CSMD1: variants seen among roughly 807,000 people sequenced by gnomAD.
The protein encoded by CSMD1 is CUB and sushi domain-containing protein 1.
In CSMD1, 213 loss-of-function variants were observed where a neutral mutation model predicts 417.5. That is an observed-to-expected ratio of 0.51 (90% CI 0.46 to 0.57). The LOEUF (loss-of-function observed/expected upper bound fraction) is 0.57. Among genes scored for constraint, CSMD1 ranks in the 20% least tolerant of loss-of-function variants. The probability of loss-of-function intolerance (pLI) is 0.00; values close to 1 mark genes in which losing one functional copy is unlikely to be tolerated. For missense variants in CSMD1, 6,923 were observed against 4,529.7 expected (o/e 1.53, Z -15.17); for synonymous variants, 2,862 against 1,736.8 (o/e 1.65, Z -16.11).
At chr8:3,950,383 T>C (rs1811523417) in intron 5 of CSMD1, among the ~76,000 whole-genome samples, 1 of 152,206 alleles carries the variant, frequency 6.6e-6, no homozygotes, top group Non-Finnish European at 1.5e-5. Flanking sequence ...AACTCTCCGG[T>C]ACAGTTCCAA....
intron 1 of CSMD1, among the ~76,000 whole-genome samples, chr8:4,703,970 G>A (rs1010788962): frequency 7.9e-5 from 12 of 152,178 alleles, no homozygotes; most frequent in Admixed American, 2.6e-4. Flanking sequence ...CACACATGCA[G>A]TTCACAGTAG....
At chr8:4,596,878 C>T (rs1273789798) in intron 2 of CSMD1, among the ~76,000 whole-genome samples, 1 of 152,148 alleles carries the variant, frequency 6.6e-6, no homozygotes. Flanking sequence ...CCATGCTATT[C>T]TTCTGATAGC....
intron 47 of CSMD1, among the ~76,000 whole-genome samples, chr8:3,094,249 G>T (rs1434229568): frequency 1.3e-5 from 2 of 152,078 alleles, no homozygotes; most frequent in African/African-American, 4.8e-5. Flanking sequence ...GGGATTACAG[G>T]CGCCTGCCAC....
Position 4,161,337 on chromosome 8 carries a change from T to C in CSMD1, c.416-129238A>G, listed in dbSNP as rs563004920. On this transcript the variant is annotated intron_variant, in intron 3 of 69. Coordinates refer to ENST00000635120, the MANE Select transcript of CSMD1 (RefSeq NM_033225.6). ...GTAAGTGACAGAATTAGGGCTAAAA[T>C]CCCGGTCTCTTTGACTGTAAAAATG... Among the ~76,000 whole-genome samples, 37 of 152,306 alleles carry C rather than the reference T, an allele frequency of 2.4e-4. No homozygotes were observed. In the South Asian group the frequency reaches 7.7e-3, roughly 32 times the overall value.
intron 7 of CSMD1, among the ~76,000 whole-genome samples, chr8:3,640,279 G>T (rs1361863282): frequency 6.6e-6 from 1 of 152,138 alleles, no homozygotes; most frequent in Non-Finnish European, 1.5e-5. Context: ...TAATGAGCCT[G>T]TTTTGGAACA....
intron 6 of CSMD1, among the ~76,000 whole-genome samples, chr8:3,717,255 T>C (rs1428306648): frequency 6.6e-6 from 1 of 152,230 alleles, no homozygotes; most frequent in Non-Finnish European, 1.5e-5. Flanking sequence ...ATTTTTTAAA[T>C]TCAGATTTTG....
At chr8:3,054,357 C>T (rs1180877057) in intron 49 of CSMD1, among the ~76,000 whole-genome samples, 1 of 152,168 alleles carries the variant, frequency 6.6e-6, no homozygotes, top group Non-Finnish European at 1.5e-5. Flanking sequence ...GTGGCTCATG[C>T]CTGTAATCCC....
intron 23 of CSMD1, among the ~76,000 whole-genome samples, chr8:3,338,621 C>T (rs553147912): frequency 6.6e-5 from 10 of 152,254 alleles, no homozygotes; most frequent in South Asian, 2.1e-4. Context: ...GGGCCTCTCC[C>T]GTGATACCAG....
At chr8:3,712,382 G>C (rs1801567258) in intron 6 of CSMD1, among the ~76,000 whole-genome samples, 1 of 41,820 alleles carries the variant, frequency 2.4e-5, no homozygotes, top group Non-Finnish European at 5.3e-5. Context: ...ACAGGAGAGA[G>C]AGAGAGAGAG....
chr8:3,442,116 G>A (rs1031483496), intron 12 of CSMD1, among the ~76,000 whole-genome samples: 10 of 151,382 alleles, frequency 6.6e-5, no homozygotes, highest in African/African-American at 1.5e-4. Context: ...GTTTACAGAA[G>A]AAGACTATAA....
intron 10 of CSMD1, among the ~76,000 whole-genome samples, chr8:3,533,537 C>G (rs1411512328): frequency 6.6e-6 from 1 of 152,126 alleles, no homozygotes; most frequent in Non-Finnish European, 1.5e-5. Context: ...AAAGACATCT[C>G]TCACTACTAT....
chr8:4,381,305 G>A (rs1334032410), intron 3 of CSMD1, among the ~76,000 whole-genome samples: 1 of 152,124 alleles, frequency 6.6e-6, no homozygotes, highest in East Asian at 1.9e-4. Context: ...ACCACTGGGT[G>A]GGGAATTGCA....
At chr8:3,513,972 G>A (rs985235017) in intron 10 of CSMD1, among the ~76,000 whole-genome samples, 4 of 152,316 alleles carry the variant, frequency 2.6e-5, no homozygotes, top group Non-Finnish European at 5.9e-5. Flanking sequence ...AGAAAACAGA[G>A]AAGGTAGCAG....
chr8:4,097,046 TGCC>T (rs1801050305), intron 3 of CSMD1, among the ~76,000 whole-genome samples: 1 of 152,234 alleles, frequency 6.6e-6, no homozygotes, highest in Non-Finnish European at 1.5e-5. Context: ...AATTAACTGA[TGCC>T]TCATTCATAA....
At chr8:4,450,825 A>C (rs1385520548) in intron 2 of CSMD1, among the ~76,000 whole-genome samples, 2 of 152,212 alleles carry the variant, frequency 1.3e-5, no homozygotes, top group African/African-American at 4.8e-5. Context: ...AACATACTGC[A>C]CTTGTGAGTA....
intron 1 of CSMD1, among the ~76,000 whole-genome samples, chr8:4,991,409 C>G (rs932480316): frequency 2.0e-5 from 3 of 152,238 alleles, no homozygotes; most frequent in Non-Finnish European, 2.9e-5. Flanking sequence ...AGCTGATACT[C>G]AAGTACCCAC....
At chr8:3,700,043 G>C (rs1037310170) in intron 7 of CSMD1, among the ~76,000 whole-genome samples, 3 of 152,154 alleles carry the variant, frequency 2.0e-5, no homozygotes, top group African/African-American at 7.2e-5. Flanking sequence ...AGAGATCAGA[G>C]AACAAAGTAG....
chr8:3,179,040 C>T (rs867359428), intron 37 of CSMD1, among the ~76,000 whole-genome samples: 11 of 151,600 alleles, frequency 7.3e-5, no homozygotes, highest in South Asian at 2.1e-4. Flanking sequence ...CTCTGCCTCC[C>T]GGGTTCACGC....
chr8:3,342,517 C>T (rs1807723918), intron 23 of CSMD1, among the ~76,000 whole-genome samples: 1 of 152,180 alleles, frequency 6.6e-6, no homozygotes, highest in African/African-American at 2.4e-5. Context: ...CTTATCCACA[C>T]CAAATAGCTT....
Sources: allele counts gnomAD v4.1 joint callset (sites outside exome capture counted in the v4.1 genomes callset), GRCh38; gene constraint gnomAD v4.1.1; transcripts MANE v1.5; gene names NCBI Gene and HGNC (gene_info 2026-07-23, HGNC 2026-07-21).